The following PDE3A variants were observed in gnomAD, a reference collection of about 807,000 sequenced individuals.
The protein encoded by PDE3A is cGMP-inhibited 3',5'-cyclic phosphodiesterase 3A.
In PDE3A, 43 loss-of-function variants were observed where a neutral mutation model predicts 98.3. The ratio of observed to expected loss-of-function variants is 0.44; its 90% confidence interval spans 0.34 to 0.56. The LOEUF (loss-of-function observed/expected upper bound fraction) is 0.56, where lower values mean the gene tolerates loss of function less well. Ranked by LOEUF, PDE3A falls within the 20% of genes least tolerant of loss-of-function variation. PDE3A has a pLI of 0.01. For synonymous variants in PDE3A, 663 were observed against 567.9 expected, an observed-to-expected ratio of 1.17 and a Z score of -2.38; for missense variants, 1,427 against 1,440.7, an observed-to-expected ratio of 0.99 and a Z score of 0.15.
chr12:20,591,410 A>G (rs767538452), intron 2 of PDE3A, among the ~76,000 whole-genome samples: 5 of 152,184 alleles, frequency 3.3e-5, no homozygotes, highest in Non-Finnish European at 5.9e-5. Flanking sequence ...TAATAATACT[A>G]TTTTTCAATT....
chr12:20,504,268 A>G (rs1347294011), intron 1 of PDE3A, among the ~76,000 whole-genome samples: 1 of 152,050 alleles, frequency 6.6e-6, no homozygotes, highest in African/African-American at 2.4e-5. Flanking sequence ...GCCAATTCAT[A>G]TATGTGAAAA....
intron 1 of PDE3A, among the ~76,000 whole-genome samples, chr12:20,528,546 A>T (rs1005284326): frequency 5.3e-5 from 8 of 152,184 alleles, no homozygotes; most frequent in African/African-American, 1.9e-4. Context: ...GATTATGTTT[A>T]TAATGTTCAA....
chr12:20,460,119 A>G (rs1015269844), intron 1 of PDE3A, among the ~76,000 whole-genome samples: 1 of 152,174 alleles, frequency 6.6e-6, no homozygotes, highest in Non-Finnish European at 1.5e-5. Flanking sequence ...AGCAGAAAAA[A>G]ATAGCCTATA....
intron 1 of PDE3A, among the ~76,000 whole-genome samples, chr12:20,476,805 A>C (rs11045274): frequency 0.36 from 54,988 of 152,104 alleles, 10,552 homozygotes; most frequent in East Asian, 0.68. Flanking sequence ...AACCCTTGGC[A>C]AATTCCATCA....
At chr12:20,493,602 A>T (rs1040524153) in intron 1 of PDE3A, among the ~76,000 whole-genome samples, 1 of 151,854 alleles carries the variant, frequency 6.6e-6, no homozygotes. Flanking sequence ...CTCTCTCCAC[A>T]CATTCACACT....
chr12:20,466,404 T>G (rs949834601), intron 1 of PDE3A, among the ~76,000 whole-genome samples: 3 of 152,222 alleles, frequency 2.0e-5, no homozygotes, highest in Admixed American at 2.0e-4. Context: ...CTCCTGTGTT[T>G]CAAGGAGGAG....
chr12:20,604,350 C>A (rs1253668187), intron 2 of PDE3A, among the ~76,000 whole-genome samples: 10 of 152,118 alleles, frequency 6.6e-5, no homozygotes. Context: ...TGTATTACCT[C>A]ATATAATAAA....
At chr12:20,447,504 T>C (rs1420659207) in intron 1 of PDE3A, among the ~76,000 whole-genome samples, 1 of 152,066 alleles carries the variant, frequency 6.6e-6, no homozygotes, top group Non-Finnish European at 1.5e-5. Context: ...CAGTCATACC[T>C]GTAGAATTGA....
chr12:20,644,887 CCTT>C (rs1944738656), intron 10 of PDE3A, among the ~76,000 whole-genome samples: 1 of 87,868 alleles, frequency 1.1e-5, no homozygotes, highest in Non-Finnish European at 2.2e-5. Flanking sequence ...TCCTCTTCTT[CCTT>C]CTTTTTTTTT....
At chr12:20,654,546 G>A (rs1334075986) in intron 15 of PDE3A, among the ~76,000 whole-genome samples, 3 of 151,802 alleles carry the variant, frequency 2.0e-5, no homozygotes, top group Non-Finnish European at 4.4e-5. Context: ...ACCCAGGCTG[G>A]CGTGCAGTGG....
intron 1 of PDE3A, among the ~76,000 whole-genome samples, chr12:20,528,147 A>C (rs1210760327): frequency 6.6e-6 from 1 of 152,186 alleles, no homozygotes; most frequent in Non-Finnish European, 1.5e-5. Flanking sequence ...TTTTATCGTG[A>C]GTAGTTGTTC....
chr12:20,585,852 C>G (rs2121358911), intron 2 of PDE3A, among the ~76,000 whole-genome samples: 1 of 152,266 alleles, frequency 6.6e-6, no homozygotes, highest in South Asian at 2.1e-4. Flanking sequence ...GCTTGCCTTG[C>G]CTTTTCTTCT....
chr12:20,469,287 G>C (rs1441111314), intron 1 of PDE3A, among the ~76,000 whole-genome samples: 1 of 151,954 alleles, frequency 6.6e-6, no homozygotes, highest in Non-Finnish European at 1.5e-5. Context: ...AGTTACTTGG[G>C]TGAAACATCC....
chr12:20,629,999 A>T lies in PDE3A; in HGVS notation c.1632A>T (p.Ala544=), dbSNP rs774501832. The T allele has an allele frequency of 2.2e-5, 36 of 1,613,866 alleles. No homozygotes were observed. Among genetic ancestry groups the T allele is most frequent in the Non-Finnish European group, 2.9e-5 (34 of 1,179,900 alleles). The change falls in exon 6 of 16, where the codon GCA becomes GCT. Residue 544 remains alanine (A), a synonymous_variant. Transcript: ENST00000359062. ...PASSLVSKIS[A]VQFPESADTT... is the part of the protein sequence containing the mutation. ...GCAGCCTGGTCAGCAAAATTTCTGC[A>T]GTGCAGTTTCCAGAATCTGCTGACA...
chr12:20,676,498 CTTTTTT>C (rs60887487), intron 15 of PDE3A, among the ~76,000 whole-genome samples: 1 of 109,218 alleles, frequency 9.2e-6, no homozygotes, highest in Non-Finnish European at 1.8e-5. Flanking sequence ...ATGTCTTTGA[CTTTTTT>C]TTTTTTTTTT....
At chr12:20,546,908 A>C (rs77047550) in intron 1 of PDE3A, among the ~76,000 whole-genome samples, 2,458 of 152,200 alleles carry the variant, frequency 0.016, 73 homozygotes, top group African/African-American at 0.057. Context: ...TGTAATTTTG[A>C]ATTAATGAAG....
In PDE3A at chr12:20,623,693, A is replaced by T. The variant is rs373444347; in HGVS notation, c.1540+2282A>T. 1.8e-3 allele frequency among the ~76,000 whole-genome samples: 265 copies of T among 146,052 alleles called. 3 individuals carry two copies. The highest frequency in any genetic ancestry group is 6.6e-3 in the African/African-American group (255 of 38,554). On this transcript the variant is annotated intron_variant, in intron 5 of 15. Transcript: ENST00000359062. ...ATTCTAGAAAGAATATATGATGGAT[A>T]TATTCTAGAAAGAATATATGATGGA...
Position 20,680,038 on chromosome 12 carries a change from A to G in PDE3A, c.3193A>G (p.Thr1065Ala). The change falls in exon 16 of 16, where the codon ACT becomes GCT. Residue 1065 changes from threonine (T) to alanine (A), a missense_variant. Physicochemically the swap from Thr to Ala is moderately conservative, Grantham distance 58. Coordinates refer to ENST00000359062, the MANE Select transcript of PDE3A (RefSeq NM_000921.5). ...TATTTTATTTATTTTAGAAAAGAAG[A>G]CTTTCAAAAGGAGAAAAATCTACTG... ...CENNESPKKK[T>A]FKRRKIYCQI... is the part of the protein sequence containing the mutation. 6.3e-7 allele frequency: 1 copy of G among 1,593,842 alleles called. No homozygotes were observed. Among genetic ancestry groups the G allele is most frequent in the East Asian group, 2.2e-5 (1 of 44,808 alleles).
intron 1 of PDE3A, among the ~76,000 whole-genome samples, chr12:20,502,735 A>G (rs1478369185): frequency 6.6e-6 from 1 of 152,160 alleles, no homozygotes. Flanking sequence ...AAGGAAACTA[A>G]TGGTTAACTG....
Sources: allele counts gnomAD v4.1 joint callset (sites outside exome capture counted in the v4.1 genomes callset), GRCh38; gene constraint gnomAD v4.1.1; transcripts MANE v1.5; gene names NCBI Gene and HGNC (gene_info 2026-07-23, HGNC 2026-07-21).